Variants in FAM81A observed in about 807,000 individuals in gnomAD.
FAM81A encodes protein FAM81A.
FAM81A carries 19 observed loss-of-function variants against 46.7 expected under a neutral mutation model. The ratio of observed to expected loss-of-function variants is 0.41; its 90% CI spans 0.28 to 0.60. FAM81A has a LOEUF of 0.60. FAM81A is among the 20% of genes least tolerant of loss of function. The pLI, the probability that FAM81A is intolerant of heterozygous loss-of-function variation, is 0.34. For missense variants in FAM81A, 377 were observed against 453.5 expected (o/e 0.83, Z 1.53); for synonymous variants, 183 against 152.9 (o/e 1.20, Z -1.45).
chr15:59,433,991 G>T (rs1184931802), upstream of FAM81A, among the ~76,000 whole-genome samples: 1 of 152,154 alleles, frequency 6.6e-6, no homozygotes, highest in African/African-American at 2.4e-5. Context: ...GAGTAGCTGG[G>T]ATTACAGGCA....
At chr15:59,458,446 GTTTCAA>G (rs1317107317) in intron 1 of FAM81A, 98 bp from the exon 2 acceptor site, 1 of 691,644 alleles carries the variant, frequency 1.4e-6, no homozygotes, top group Non-Finnish European at 2.4e-6. Flanking sequence ...ACTTATCAGT[GTTTCAA>G]CATAATTTAT....
chr15:59,484,225 G>A (rs2081890061), intron 3 of FAM81A, among the ~76,000 whole-genome samples: 1 of 152,154 alleles, frequency 6.6e-6, no homozygotes, highest in African/African-American at 2.4e-5. Flanking sequence ...CTACATTTAA[G>A]GAGATCCAAG....
At chr15:59,481,436 C>A (rs4624109) in intron 3 of FAM81A, among the ~76,000 whole-genome samples, 125,394 of 151,972 alleles carry the variant, frequency 0.83, 52,209 homozygotes, top group African/African-American at 0.94. Context: ...CATTGTTGGA[C>A]ATACAAAAAA....
At chr15:59,401,921 TTC>T (rs1256459935) in intron 1 of FAM81A, 14 of 757,936 alleles carry the variant, frequency 1.8e-5, no homozygotes, top group Non-Finnish European at 2.9e-5. Context: ...CCTCTCGACT[TTC>T]TTTCTTTCTC....
chr15:59,420,394 T>C (rs1368862051), intron 2 of FAM81A, among the ~76,000 whole-genome samples: 1 of 152,216 alleles, frequency 6.6e-6, no homozygotes, highest in Non-Finnish European at 1.5e-5. Context: ...ATTAGCTTCA[T>C]TGTCTAACAA....
At chr15:59,497,838 A>G (rs2082050210) in intron 4 of FAM81A, among the ~76,000 whole-genome samples, 1 of 152,236 alleles carries the variant, frequency 6.6e-6, no homozygotes, top group Admixed American at 6.5e-5. Context: ...TTCAAAAAAA[A>G]TAAACAAATA....
intron 2 of FAM81A, among the ~76,000 whole-genome samples, chr15:59,413,996 C>T (rs1165403457): frequency 5.9e-5 from 9 of 152,124 alleles, no homozygotes. Context: ...CTCTGTCACC[C>T]AGGCTGGAGA....
chr15:59,479,742 G>A (rs2081825876), intron 3 of FAM81A, among the ~76,000 whole-genome samples: 2 of 151,984 alleles, frequency 1.3e-5, no homozygotes, highest in South Asian at 2.1e-4. Flanking sequence ...ATGGAGTGCT[G>A]TGAGCTGGGG....
intron 4 of FAM81A, among the ~76,000 whole-genome samples, chr15:59,504,604 C>T (rs2082129896): frequency 6.6e-6 from 1 of 152,164 alleles, no homozygotes; most frequent in Non-Finnish European, 1.5e-5. Flanking sequence ...CACCCTACTC[C>T]TTCTTTGTGG....
At chr15:59,471,700 A>G (rs1418468184) in intron 3 of FAM81A, among the ~76,000 whole-genome samples, 1 of 151,628 alleles carries the variant, frequency 6.6e-6, no homozygotes, top group East Asian at 1.9e-4. Flanking sequence ...TGCCTCCCAA[A>G]GTGCTGGGAT....
chr15:59,514,242 T>G, intron 6 of FAM81A, 47 bp from the exon 7 acceptor site: 4 of 1,487,268 alleles, frequency 2.7e-6, no homozygotes, highest in Non-Finnish European at 3.6e-6. Context: ...ATAAAAAAAA[T>G]AAAAAATAAA....
intron 3 of FAM81A, among the ~76,000 whole-genome samples, chr15:59,485,235 G>C (rs1311135013): frequency 6.6e-6 from 1 of 152,160 alleles, no homozygotes; most frequent in African/African-American, 2.4e-5. Context: ...TTCACCACTT[G>C]CTGATTGTAG....
chr15:59,436,068 A>T (rs1261040937), upstream of FAM81A, among the ~76,000 whole-genome samples: 1 of 152,148 alleles, frequency 6.6e-6, no homozygotes, highest in African/African-American at 2.4e-5. Context: ...TTACTGAGAA[A>T]TTCATGTTTT....
chr15:59,514,193 C>T (rs549167337), intron 6 of FAM81A, 96 bp from the exon 7 acceptor site: 341 of 1,280,532 alleles, frequency 2.7e-4, no homozygotes, highest in South Asian at 5.2e-4. Flanking sequence ...ACCTGTGTAA[C>T]AAATCTGTAT....
intron 3 of FAM81A, among the ~76,000 whole-genome samples, chr15:59,482,992 A>G (rs754553445): frequency 9.9e-5 from 15 of 152,068 alleles, no homozygotes; most frequent in Non-Finnish European, 1.9e-4. Context: ...AAAAAGCTGG[A>G]AGCTACAGAA....
intron 3 of FAM81A, among the ~76,000 whole-genome samples, chr15:59,465,989 G>A (rs1431515618): frequency 6.6e-6 from 1 of 152,156 alleles, no homozygotes; most frequent in Non-Finnish European, 1.5e-5. Flanking sequence ...AAAGTTTGCT[G>A]AGAATGATGG....
intron 6 of FAM81A, among the ~76,000 whole-genome samples, chr15:59,513,591 T>G (rs1327396854): frequency 6.6e-6 from 1 of 152,218 alleles, no homozygotes; most frequent in Non-Finnish European, 1.5e-5. Context: ...GGAAAATATG[T>G]AATTCTGATT....
chr15:59,516,733 A>G lies in FAM81A; in HGVS notation c.875A>G (p.Asp292Gly), dbSNP rs755118421. 30 of 1,613,802 alleles carry G rather than the reference A, an allele frequency of 1.9e-5. No homozygotes were observed. Among genetic ancestry groups the G allele is most frequent in the Non-Finnish European group, 2.2e-5 (26 of 1,179,816 alleles). Residue 292 changes from aspartate to glycine, a missense_variant, in exon 8 of 9, where the codon GAT (aspartate) becomes GGT (glycine). Coordinates refer to ENST00000288228, the MANE Select transcript of FAM81A (RefSeq NM_152450.3). ...GAAGAGGGTCAAAAGAAGACTTTTG[A>G]TGGTCAGAGAACAAGGCAAGAAGAG... ...KIEEGQKKTF[D>G]GQRTRQEEEK...
intron 4 of FAM81A, among the ~76,000 whole-genome samples, chr15:59,506,771 A>T (rs1405257626): frequency 1.3e-5 from 2 of 152,222 alleles, no homozygotes; most frequent in Admixed American, 1.3e-4. Context: ...CACCCTACTC[A>T]TACTATACAG....
Sources: gnomAD v4.1 joint callset for allele counts (sites outside exome capture counted in the v4.1 genomes callset) on GRCh38, gnomAD v4.1.1 for gene constraint, MANE v1.5 for transcripts, NCBI Gene and HGNC (gene_info 2026-07-23, HGNC 2026-07-21) for gene names.